The following RCC2 variants were observed in gnomAD, a reference collection of about 807,000 sequenced individuals.
RCC2 encodes regulator of chromosome condensation 2.
RCC2 carries 19 observed loss-of-function variants against 64.1 expected under a neutral mutation model. The ratio of observed to expected loss-of-function variants is 0.30; its 90% CI spans 0.21 to 0.44. The LOEUF is 0.44. Ranked by LOEUF, RCC2 falls within the 20% of genes least tolerant of loss-of-function variation. RCC2 has a pLI of 1.00. For missense variants in RCC2, 508 were observed against 710.4 expected, an observed-to-expected ratio of 0.72 and a Z score of 3.24; for synonymous variants, 325 against 279.6, an observed-to-expected ratio of 1.16 and a Z score of -1.62.
intron 11 of RCC2, among the ~76,000 whole-genome samples, chr1:17,410,908 T>G (rs28411938): frequency 6.6e-6 from 1 of 152,068 alleles, no homozygotes; most frequent in Middle Eastern, 3.2e-3. Flanking sequence ...AAAACATCCT[T>G]CCTCCTCTAA....
intron 4 of RCC2, among the ~76,000 whole-genome samples, chr1:17,424,208 A>G (rs1011475327): frequency 2.6e-5 from 4 of 152,208 alleles, no homozygotes; most frequent in African/African-American, 9.6e-5. Flanking sequence ...TGCCTTCTAG[A>G]GTGGCGAGCA....
intron 8 of RCC2, among the ~76,000 whole-genome samples, chr1:17,415,657 T>C (rs1331259190): frequency 6.8e-6 from 1 of 147,578 alleles, no homozygotes; most frequent in African/African-American, 2.5e-5. Context: ...TTGCAGTGAG[T>C]TGAGATCCCA....
At chr1:17,428,222 G>A (rs1223903300) in intron 3 of RCC2, among the ~76,000 whole-genome samples, 4 of 152,252 alleles carry the variant, frequency 2.6e-5, no homozygotes, top group Non-Finnish European at 4.4e-5. Context: ...GGCGCCATCA[G>A]CACCTGGGCT....
At position 17,438,240 on chromosome 1, in the gene RCC2, T is replaced by C. The variant is rs781597729; in HGVS notation, c.275A>G (p.Lys92Arg). 7.6e-7 allele frequency: 1 copy of C among 1,317,310 alleles called. No homozygotes were observed. The allele number at this position is 1,317,310 out of a possible 1,614,324, so 81.6% of individuals were successfully genotyped here. Residue 92 changes from lysine (K) to arginine (R), a missense_variant, in exon 2 of 13, where the codon AAG (lysine) becomes AGG (arginine). Physicochemically the swap from Lys to Arg is conservative, Grantham distance 26 (BLOSUM62 2). Transcript: ENST00000375436. ...CTGACCCTCACTCACGACGCGCTCC[T>C]TGGTGTGCTCGGGTTCGGTGATGAC... ...AVVITEPEHT[K>R]ERVKLEGSKC...
rs1427024183 is a variant in RCC2, at chr1:17,438,296, C to A, written c.219G>T (p.Ala73=). The change falls in exon 2 of 13, where the codon GCG becomes GCT. Residue 73 remains alanine (A), a synonymous_variant. Transcript: ENST00000375436. Reference sequence around the variant, plus strand: ...CCGCGCCGCCCGCCTTGCCTGCTGTCGCCGGCCGCGCCGCGCGCTTGCCCC... The same window carrying A: ...CCGCGCCGCCCGCCTTGCCTGCTGTAGCCGGCCGCGCCGCGCGCTTGCCCC... The part of the protein sequence containing the change: ...PGGGKRAARP[A]TAGKAGGAAV... 2 of 1,252,682 alleles carry A rather than the reference C, an allele frequency of 1.6e-6. No homozygotes were observed. Among genetic ancestry groups the A allele is most frequent in the East Asian group, 4.3e-5 (1 of 23,350 alleles). The allele number at this position is 1,252,682 out of a possible 1,614,324, so 77.6% of individuals were successfully genotyped here. A position where few individuals can be genotyped will look rare whatever the true frequency, so the allele number is the denominator to read the frequency against.
chr1:17,419,301 G>C (rs1398084302), intron 7 of RCC2, among the ~76,000 whole-genome samples: 1 of 152,216 alleles, frequency 6.6e-6, no homozygotes, highest in African/African-American at 2.4e-5. Context: ...GGAGGTTGCA[G>C]TGAACTGAGA....
At chr1:17,412,652 G>A (rs565537702) in intron 10 of RCC2, among the ~76,000 whole-genome samples, 1 of 152,206 alleles carries the variant, frequency 6.6e-6, no homozygotes, top group African/African-American at 2.4e-5. Context: ...CAACTCCTCA[G>A]CAAGAAGTGC....
At chr1:17,416,959 C>T (rs2075493737) in intron 7 of RCC2, among the ~76,000 whole-genome samples, 1 of 152,168 alleles carries the variant, frequency 6.6e-6, no homozygotes, top group Non-Finnish European at 1.5e-5. Flanking sequence ...ATTATACGTT[C>T]AGATTGGGTT....
chr1:17,422,854 G>C lies in RCC2; in HGVS notation c.524-18C>G, dbSNP rs1054767756. 1 of 1,613,684 alleles carries C rather than the reference G, an allele frequency of 6.2e-7. No individual in the cohort carries two copies. ...ATTTCGACCTGCAGATCACATGAGA[G>C]AAAGTAGAAAAGAGAGAGGGTGGTC... is the stretch of plus-strand genomic sequence containing the variant. On this transcript the variant is annotated intron_variant, in intron 4 of 12. Transcript: ENST00000375436.
At chr1:17,428,858 G>T (rs149847206) in intron 3 of RCC2, among the ~76,000 whole-genome samples, 1 of 152,350 alleles carries the variant, frequency 6.6e-6, no homozygotes, top group Non-Finnish European at 1.5e-5. Flanking sequence ...TTCATTTGAG[G>T]ATACTACTTG....
intron 2 of RCC2, among the ~76,000 whole-genome samples, chr1:17,437,854 G>C (rs2075755593): frequency 6.9e-6 from 1 of 145,858 alleles, no homozygotes; most frequent in Non-Finnish European, 1.5e-5. Context: ...CCTCTTCCAG[G>C]CCGGGCGAAC....
intron 3 of RCC2, among the ~76,000 whole-genome samples, chr1:17,428,725 T>G (rs2075645060): frequency 6.6e-6 from 1 of 152,216 alleles, no homozygotes; most frequent in South Asian, 2.1e-4. Flanking sequence ...CTGCAATGCC[T>G]GAAATTTTGA....
rs2075647506 is a variant in RCC2, at chr1:17,429,042, G to A, written c.379+64C>T. 3.2e-6 allele frequency: 4 copies of A among 1,240,758 alleles called. No homozygotes were observed. The Admixed American group carries it at 5.1e-5, about 16-fold the overall frequency. The allele number at this position is 1,240,758 out of a possible 1,614,324, so 76.9% of individuals were successfully genotyped here. A position where few individuals can be genotyped will look rare whatever the true frequency, so the allele number is the denominator to read the frequency against. ...AAATGAAGGGAATACCTACCAGGCA[G>A]GTGGTCAACAGAACCTAGCACTTAA... On this transcript the variant is annotated intron_variant, in intron 3 of 12. Coordinates refer to ENST00000375436, the MANE Select transcript of RCC2 (RefSeq NM_018715.4).
Position 17,413,338 on chromosome 1 carries a change from T to C in RCC2, c.1208-160A>G, listed in dbSNP as rs1043064247. Among the ~76,000 whole-genome samples, 8 of 152,308 alleles carry C rather than the reference T, an allele frequency of 5.3e-5. No individual in the cohort carries two copies. The East Asian group carries it at 1.5e-3, about 29-fold the overall frequency. On this transcript the variant is annotated intron_variant, in intron 9 of 12. Coordinates refer to ENST00000375436, the MANE Select transcript of RCC2 (RefSeq NM_018715.4). ...GGTGGCGTGCCTGTGCAGTCCTAGC[T>C]ACTCAGGACGCTGTGGTGGTAGGAC...
intron 2 of RCC2, among the ~76,000 whole-genome samples, 178 bp downstream of exon 2, chr1:17,438,052 C>T (rs1478837806): frequency 6.8e-6 from 1 of 147,002 alleles, no homozygotes; most frequent in Non-Finnish European, 1.5e-5. Context: ...CGCCCCGTAC[C>T]GAGCCCTTTT....
Position 17,413,726 on chromosome 1 carries a change from A to T in RCC2, c.1027-9T>A. The stretch of plus-strand genomic sequence containing the variant: ...TGGGAGTCCAGGACCAGCTGCAAGG[A>T]AAGAAAACACAGGGTTGGAACAAAC... On this transcript the variant is annotated splice_polypyrimidine_tract_variant and intron_variant, in intron 8 of 12. Coordinates refer to ENST00000375436, the MANE Select transcript of RCC2 (RefSeq NM_018715.4). 6.2e-7 allele frequency: 1 copy of T among 1,605,248 alleles called. No individual in the cohort carries two copies. The highest frequency in any genetic ancestry group is 8.5e-7 in the Non-Finnish European group (1 of 1,176,318).
At position 17,409,210 on chromosome 1, in the gene RCC2, A is replaced by G; in HGVS notation, c.1465-16T>C. 2 of 1,563,696 alleles carry G rather than the reference A, an allele frequency of 1.3e-6. No individual in the cohort carries two copies. Among genetic ancestry groups the G allele is most frequent in the Non-Finnish European group, 1.8e-6 (2 of 1,133,952 alleles). On this transcript the variant is annotated splice_polypyrimidine_tract_variant and intron_variant, in intron 12 of 12. Transcript: ENST00000375436. ...CCATGGCGACCTGGGGGGACAAATC[A>G]GCGTTGGGTGTGCCTGAGGCGCCTG...
intron 1 of RCC2, among the ~76,000 whole-genome samples, chr1:17,438,984 G>C (rs969822402): frequency 2.0e-5 from 3 of 149,530 alleles, no homozygotes; most frequent in African/African-American, 7.4e-5. Flanking sequence ...TTTTGTCTCC[G>C]CAGTCTCCCC....
chr1:17,438,105 C>G (rs1156572785), intron 2 of RCC2, 125 bp downstream of exon 2: 3 of 689,004 alleles, frequency 4.4e-6, no homozygotes, highest in Non-Finnish European at 5.5e-6. Flanking sequence ...GCGGCCTGCG[C>G]CGGCCCGGCC....
Sources: gnomAD v4.1 joint callset for allele counts (sites outside exome capture counted in the v4.1 genomes callset) on GRCh38, gnomAD v4.1.1 for gene constraint, MANE v1.5 for transcripts, NCBI Gene and HGNC (gene_info 2026-07-23, HGNC 2026-07-21) for gene names.